The following PRR16 variants were observed in gnomAD, a reference collection of about 807,000 sequenced individuals.
PRR16 encodes protein Largen.
Under a neutral mutation model 18.2 loss-of-function variants are expected in PRR16, and 6 were observed. That is an observed-to-expected ratio of 0.33 (90% CI 0.18 to 0.65). The LOEUF is 0.65. Ranked by LOEUF, PRR16 falls within the 30% of genes least tolerant of loss-of-function variation. The probability of loss-of-function intolerance (pLI) is 0.74; values close to 1 mark genes in which losing one functional copy is unlikely to be tolerated. For synonymous variants in PRR16, 151 were observed against 147.8 expected (o/e 1.02, Z -0.16); for missense variants, 412 against 376.6 (o/e 1.09, Z -0.78).
chr5:120,478,737 G>A (rs1185558492), intron 1 of PRR16, among the ~76,000 whole-genome samples: 2 of 151,916 alleles, frequency 1.3e-5, no homozygotes, highest in Non-Finnish European at 2.9e-5. Flanking sequence ...GAAGCACTTA[G>A]AATTATATAT....
the PRR16 span, among the ~76,000 whole-genome samples, chr5:120,715,532 T>C: frequency 6.6e-6 from 1 of 152,208 alleles, no homozygotes; most frequent in Non-Finnish European, 1.5e-5. Context: ...ATGATCTCTA[T>C]TGAGGACTAT....
intron 1 of PRR16, among the ~76,000 whole-genome samples, chr5:120,647,164 G>A (rs962892384): frequency 2.0e-5 from 3 of 151,850 alleles, no homozygotes; most frequent in Non-Finnish European, 4.4e-5. Flanking sequence ...TTAGAATAAC[G>A]TTATGGCGGG....
the PRR16 span, among the ~76,000 whole-genome samples, chr5:120,733,180 C>G: frequency 6.6e-6 from 1 of 152,054 alleles, no homozygotes; most frequent in African/African-American, 2.4e-5. Flanking sequence ...GAGTCTTGTT[C>G]TGTCACCCAG....
chr5:120,718,286 A>C, the PRR16 span, among the ~76,000 whole-genome samples: 12 of 152,148 alleles, frequency 7.9e-5, no homozygotes, highest in Non-Finnish European at 1.8e-4. Context: ...TTCACGTATC[A>C]GAAAACACCA....
chr5:120,756,726 C>G, the PRR16 span, among the ~76,000 whole-genome samples: 2 of 151,972 alleles, frequency 1.3e-5, no homozygotes, highest in Non-Finnish European at 2.9e-5. Flanking sequence ...CAAATATTTT[C>G]TCCCATTCTG....
chr5:120,675,727 T>C (rs1055084317), intron 1 of PRR16, among the ~76,000 whole-genome samples: 2 of 152,188 alleles, frequency 1.3e-5, no homozygotes, highest in African/African-American at 4.8e-5. Flanking sequence ...CTTCAATGTC[T>C]TACATATTAC....
At chr5:120,690,358 A>G (rs1213590354), downstream of PRR16, among the ~76,000 whole-genome samples, 1 of 152,068 alleles carries the variant, frequency 6.6e-6, no homozygotes, top group African/African-American at 2.4e-5. Context: ...TTTTTTTTCC[A>G]TGGATTCTAT....
intron 1 of PRR16, among the ~76,000 whole-genome samples, chr5:120,573,446 T>C (rs954434036): frequency 6.6e-6 from 1 of 152,170 alleles, no homozygotes; most frequent in African/African-American, 2.4e-5. Flanking sequence ...TGTTGTCTTA[T>C]TAATATGTCC....
intron 1 of PRR16, among the ~76,000 whole-genome samples, chr5:120,570,527 C>CA (rs1400713532): frequency 1.3e-5 from 2 of 152,064 alleles, no homozygotes; most frequent in African/African-American, 4.8e-5. Context: ...ACATTACATG[C>CA]AAGTACCCAG....
At chr5:120,693,080 C>T in the PRR16 span, among the ~76,000 whole-genome samples, 17,685 of 152,074 alleles carry the variant, frequency 0.12, 1,212 homozygotes, top group Non-Finnish European at 0.14. Context: ...TCATGACTTA[C>T]TACAGAAATT....
intron 1 of PRR16, among the ~76,000 whole-genome samples, chr5:120,502,571 A>G (rs555261476): frequency 2.0e-5 from 3 of 152,248 alleles, no homozygotes; most frequent in South Asian, 4.1e-4. Flanking sequence ...ATACAGGAAG[A>G]GGCTCTGTGT....
intron 1 of PRR16, among the ~76,000 whole-genome samples, chr5:120,472,853 C>T (rs1369673362): frequency 6.6e-6 from 1 of 152,082 alleles, no homozygotes; most frequent in Non-Finnish European, 1.5e-5. Flanking sequence ...TGAAAGTTAA[C>T]TCTTTCATTT....
chr5:120,525,610 C>CT (rs529926112), intron 1 of PRR16, among the ~76,000 whole-genome samples: 3,976 of 129,010 alleles, frequency 0.031, 62 homozygotes, highest in Admixed American at 0.066. Flanking sequence ...ATCAATATTG[C>CT]TTTTTTTTTT....
chr5:120,574,290 G>T (rs1317997332), intron 1 of PRR16, among the ~76,000 whole-genome samples: 1 of 151,972 alleles, frequency 6.6e-6, no homozygotes, highest in Non-Finnish European at 1.5e-5. Flanking sequence ...ATATACAAAA[G>T]ATATGAATAG....
the PRR16 span, among the ~76,000 whole-genome samples, chr5:120,754,631 A>AAT: frequency 2.4e-5 from 3 of 123,192 alleles, no homozygotes; most frequent in African/African-American, 9.6e-5. Flanking sequence ...ATTTATATAT[A>AAT]ATATATAAAG....
intron 1 of PRR16, among the ~76,000 whole-genome samples, chr5:120,511,399 TTTA>T (rs1021187657): frequency 1.3e-5 from 2 of 152,160 alleles, no homozygotes; most frequent in African/African-American, 4.8e-5. Context: ...CTCCTTCTCA[TTTA>T]TTATTGTTTA....
At chr5:120,598,590 C>G (rs77264821) in intron 1 of PRR16, among the ~76,000 whole-genome samples, 2 of 151,778 alleles carry the variant, frequency 1.3e-5, no homozygotes, top group Admixed American at 6.6e-5. Context: ...ACACTGCCCC[C>G]TCTAGTAGTC....
chr5:120,570,065 C>T (rs970158955), intron 1 of PRR16, among the ~76,000 whole-genome samples: 1 of 152,086 alleles, frequency 6.6e-6, no homozygotes. Context: ...ACTGTGTCCC[C>T]AGGATTTGCT....
intron 1 of PRR16, among the ~76,000 whole-genome samples, chr5:120,683,943 A>G (rs1218043951): frequency 2.0e-5 from 3 of 152,034 alleles, no homozygotes; most frequent in Non-Finnish European, 4.4e-5. Context: ...AAACCAAAAA[A>G]GTCATTGAGA....
Sources: allele counts gnomAD v4.1 joint callset (sites outside exome capture counted in the v4.1 genomes callset), GRCh38; gene constraint gnomAD v4.1.1; transcripts MANE v1.5; gene names NCBI Gene and HGNC (gene_info 2026-07-23, HGNC 2026-07-21).